The following PSD variants were observed in gnomAD, a reference collection of about 807,000 sequenced individuals.
The protein encoded by PSD is pleckstrin and Sec7 domain containing, also known as PH and SEC7 domain-containing protein 1.
Under a neutral mutation model 91.6 loss-of-function variants are expected in PSD, and 32 were observed. That is an observed-to-expected ratio of 0.35 (90% confidence interval 0.26 to 0.47). PSD has a LOEUF of 0.47. Ranked by LOEUF, PSD falls within the 20% of genes least tolerant of loss-of-function variation. PSD has a pLI of 1.00. For synonymous variants in PSD, 532 were observed against 569.3 expected (o/e 0.93, Z 0.93); for missense variants, 1,099 against 1,373.9 (o/e 0.80, Z 3.16).
Position 102,411,759 on chromosome 10 carries a change from G to A in PSD, c.1890C>T (p.Ala630=). 2.5e-6 allele frequency: 4 copies of A among 1,613,856 alleles called. No individual in the cohort carries two copies. Among genetic ancestry groups the A allele is most frequent in the Non-Finnish European group, 3.4e-6 (4 of 1,179,918 alleles). Residue 630 remains alanine, a synonymous_variant, in exon 8 of 17, where the codon GCC becomes GCT. Coordinates refer to ENST00000020673, the MANE Select transcript of PSD (RefSeq NM_002779.5). ...GETQERERVL[A]HFSQRYFQCN... Reference sequence around the variant, plus strand: ...ACTGGAAGTATCGCTGGGAGAAGTGGGCCAGCACGCGCTCTCGTTCCTGGG... The same window carrying A: ...ACTGGAAGTATCGCTGGGAGAAGTGAGCCAGCACGCGCTCTCGTTCCTGGG...
rs552007666 is a variant in PSD at position 102,402,680 on chromosome 10, G to T, written c.*520C>A. On this transcript the variant is annotated 3_prime_UTR_variant, in exon 17 of 17. Coordinates refer to ENST00000020673, the MANE Select transcript of PSD (RefSeq NM_002779.5). ...TACAAAGGGCAAGGCCCACTGAAGC[G>T]GGGGAAAGCCAGGCCGTGCTGCCCC... 9.1e-6 allele frequency: 3 copies of T among 329,088 alleles called. No homozygotes were observed. In the East Asian group the frequency reaches 1.4e-4, roughly 16 times the overall value. 20.4% of individuals were successfully genotyped at this position (329,088 alleles called of 1,614,324 possible).
At chr10:102,415,700 A>G (rs1197214725) in intron 3 of PSD, among the ~76,000 whole-genome samples, 2 of 152,158 alleles carry the variant, frequency 1.3e-5, no homozygotes, top group Admixed American at 1.3e-4. Flanking sequence ...GGCTTTGAGC[A>G]GTCCTCCTGC....
chr10:102,417,217 A>C, intron 1 of PSD, 96 bp from the exon 2 acceptor site: 1 of 581,904 alleles, frequency 1.7e-6, no homozygotes. Flanking sequence ...AGGGCCTCTG[A>C]GTATCAGGGA....
Position 102,407,272 on chromosome 10 carries a change from G to A in PSD, c.2092-6C>T, listed in dbSNP as rs1258217441. 6.3e-7 allele frequency: 1 copy of A among 1,581,324 alleles called. No homozygotes were observed. The highest frequency in any genetic ancestry group is 8.6e-7 in the Non-Finnish European group (1 of 1,163,264). ...TTGATGGAGCTGTACAAGGCCTGGG[G>A]GGTGGGGGGAACAAATTAGGGGGTT... On this transcript the variant is annotated splice_region_variant and splice_polypyrimidine_tract_variant and intron_variant, in intron 10 of 16. Coordinates refer to ENST00000020673, the MANE Select transcript of PSD (RefSeq NM_002779.5).
rs543135825 is a variant in PSD at position 102,403,988 on chromosome 10, A to G, written c.2701-3T>C. ...TCGTGGGTCCGCACCTGCTCCTCCT[A>G]GCGGCCAGGGGGAGGCATGGTCATG... On this transcript the variant is annotated splice_region_variant and splice_polypyrimidine_tract_variant and intron_variant, in intron 15 of 16. Coordinates refer to ENST00000020673, the MANE Select transcript of PSD (RefSeq NM_002779.5). The surrounding 1 kb of genome is among the most constrained non-coding windows in gnomAD (Gnocchi z 6.7). 41 of 1,549,520 alleles carry G rather than the reference A, an allele frequency of 2.6e-5. No homozygotes were observed. The East Asian group carries it at 9.6e-4, about 36-fold the overall frequency.
chr10:102,408,228 G>A (rs1171583961), intron 10 of PSD, among the ~76,000 whole-genome samples: 1 of 152,204 alleles, frequency 6.6e-6, no homozygotes, highest in Non-Finnish European at 1.5e-5. Flanking sequence ...GCTGGGTGCA[G>A]TGGTGACGTA....
chr10:102,411,073 C>G lies in PSD; in HGVS notation c.1986G>C (p.Thr662=), dbSNP rs977028366. The change falls in exon 9 of 17, where the codon ACG becomes ACC. Residue 662 remains threonine, a synonymous_variant. Coordinates refer to ENST00000020673, the MANE Select transcript of PSD (RefSeq NM_002779.5). ...TLTCALMLLN[T]DLHGHNIGKR... ...CTCCACTCACATGGCCGTGGAGATC[C>G]GTGTTGAGCAGCATGAGCGCACAGG... is the stretch of plus-strand genomic sequence containing the variant. 1.2e-6 allele frequency: 2 copies of G among 1,612,574 alleles called. No homozygotes were observed. Among genetic ancestry groups the G allele is most frequent in the African/African-American group, 1.3e-5 (1 of 74,952 alleles).
rs373853423 is a variant in PSD at position 102,405,106 on chromosome 10, C to T, written c.2398-51G>A. ...GCCCCAAATGCAGCCTGGCCCAGCC[C>T]CTCCTATTCCCACCCATCACCCCAC... On this transcript the variant is annotated intron_variant, in intron 13 of 16. Coordinates refer to ENST00000020673, the MANE Select transcript of PSD (RefSeq NM_002779.5). This position sits in a 1 kb window ranked among gnomAD's most constrained non-coding sequence, Gnocchi z 5.4. 1.2e-6 allele frequency: 2 copies of T among 1,610,650 alleles called. No individual in the cohort carries two copies. The highest frequency in any genetic ancestry group is 1.7e-6 in the Non-Finnish European group (2 of 1,178,456).
In PSD at chr10:102,416,085, G is replaced by A. The variant is rs367567230; in HGVS notation, c.689C>T (p.Ser230Phe). The A allele has an allele frequency of 2.5e-6, 4 of 1,613,898 alleles. No homozygotes were observed. The African/African-American group carries it at 5.3e-5, about 22-fold the overall frequency. Residue 230 changes from serine to phenylalanine, a missense_variant, in exon 3 of 17, where the codon TCT (serine) becomes TTT (phenylalanine). This residue lies in a region of PSD where 631 missense variants were observed against 728.8 expected (regional missense o/e 0.87). Coordinates refer to ENST00000020673, the MANE Select transcript of PSD (RefSeq NM_002779.5). This position sits in a 1 kb window ranked among gnomAD's most constrained non-coding sequence, Gnocchi z 6.0. ...GGCTCTAGCGATTCTCTGGGCATGAGAGGAGACTTCCCGGGGGGAGGACCA... is the reference window on the plus strand; with the variant it reads ...GGCTCTAGCGATTCTCTGGGCATGAAAGGAGACTTCCCGGGGGGAGGACCA... ...DTWSSPREVS[S>F]HAQRIARAKW...
chr10:102,417,150 G>A (rs2061491108), intron 1 of PSD, 29 bp from the exon 2 acceptor site: 12 of 648,176 alleles, frequency 1.9e-5, no homozygotes, highest in Non-Finnish European at 2.9e-5. Flanking sequence ...AGCATGGGGT[G>A]AACTGCCAAG....
At position 102,412,395 on chromosome 10, in the gene PSD, C is replaced by T. The variant is rs756329576; in HGVS notation, c.1734G>A (p.Arg578=). 18 of 1,613,744 alleles carry T rather than the reference C, an allele frequency of 1.1e-5. No homozygotes were observed. In the Middle Eastern group the frequency reaches 8.3e-4, roughly 74 times the overall value. ...LDGFRKADVA[R]HLGKNNDFSK... is the part of the protein sequence containing the mutation. ...AGTGGCTTTACTTCTTGCCCAGGTG[C>T]CGGGCCACATCGGCCTTCCTGAAGC... The change falls in exon 6 of 17, where the codon CGG becomes CGA. Residue 578 remains arginine, a synonymous_variant. Coordinates refer to ENST00000020673, the MANE Select transcript of PSD (RefSeq NM_002779.5).
In PSD at chr10:102,416,703, C is replaced by T. The variant is rs1376307797; in HGVS notation, c.336G>A (p.Arg112=). The T allele has an allele frequency of 1.2e-6, 2 of 1,603,870 alleles. No individual in the cohort carries two copies. Among genetic ancestry groups the T allele is most frequent in the African/African-American group, 1.3e-5 (1 of 74,656 alleles). ...IFRFVEKASV[R]PLNGLPAPGG... ...CTGGAGCAGGTAGCCCATTCAGTGG[C>T]CTCACACTGGCCTTCTCCACAAAGC... Residue 112 remains arginine, a synonymous_variant, in exon 2 of 17, where the codon AGG becomes AGA. Transcript: ENST00000020673. The surrounding 1 kb of genome is among the most constrained non-coding windows in gnomAD (Gnocchi z 6.0).
chr10:102,403,758 G>A lies in PSD; in HGVS notation c.2844+84C>T, dbSNP rs959943415. The A allele has an allele frequency of 2.3e-5, 34 of 1,494,588 alleles. No individual in the cohort carries two copies. The highest frequency in any genetic ancestry group is 4.6e-5 in the East Asian group (2 of 43,144). 92.6% of individuals were successfully genotyped at this position (1,494,588 alleles called of 1,614,324 possible). A position where few individuals can be genotyped will look rare whatever the true frequency, so the allele number is the denominator to read the frequency against. On this transcript the variant is annotated intron_variant, in intron 16 of 16. Coordinates refer to ENST00000020673, the MANE Select transcript of PSD (RefSeq NM_002779.5). This position sits in a 1 kb window ranked among gnomAD's most constrained non-coding sequence, Gnocchi z 6.7. ...TTAAGCAACCTGCCCAAGGACCTCCGGCCGGTTCCACTGTTAGAGTTCATG... is the reference window on the plus strand; with the variant it reads ...TTAAGCAACCTGCCCAAGGACCTCCAGCCGGTTCCACTGTTAGAGTTCATG...
chr10:102,404,603 C>A lies in PSD; in HGVS notation c.2680G>T (p.Ala894Ser), dbSNP rs374100138. 4.8e-5 allele frequency: 77 copies of A among 1,609,944 alleles called. No homozygotes were observed. Among genetic ancestry groups the A allele is most frequent in the Non-Finnish European group, 5.7e-5 (67 of 1,177,976 alleles). ...KKFSRPLLPS[A>S]ATRLSQEEQV... ...GCTACCTGGGAGAGGCGGGTGGCAGCGCTGGGCAGGAGAGGGCGGCTGAAC... is the reference window on the plus strand; with the variant it reads ...GCTACCTGGGAGAGGCGGGTGGCAGAGCTGGGCAGGAGAGGGCGGCTGAAC... The change falls in exon 15 of 17, where the codon GCT becomes TCT. Residue 894 changes from alanine (A) to serine (S), a missense_variant. This residue lies in a region of PSD where 358 missense variants were observed against 426.5 expected (regional missense o/e 0.84). Transcript: ENST00000020673. This position sits in a 1 kb window ranked among gnomAD's most constrained non-coding sequence, Gnocchi z 5.7.
intron 3 of PSD, 103 bp downstream of exon 3, chr10:102,415,914 A>G: frequency 4.9e-6 from 4 of 811,614 alleles, no homozygotes; most frequent in East Asian, 5.4e-5. Flanking sequence ...TCAAGAGCCA[A>G]TTCCAAGGAT....
rs1353653867 is a variant in PSD, at chr10:102,403,823, G to C, written c.2844+19C>G. 1.9e-6 allele frequency: 3 copies of C among 1,606,754 alleles called. No homozygotes were observed. Among genetic ancestry groups the C allele is most frequent in the African/African-American group, 1.3e-5 (1 of 74,860 alleles). On this transcript the variant is annotated intron_variant, in intron 16 of 16. Coordinates refer to ENST00000020673, the MANE Select transcript of PSD (RefSeq NM_002779.5). The surrounding 1 kb of genome is among the most constrained non-coding windows in gnomAD (Gnocchi z 6.7). ...ATGGGCCTGCGTGTGTGGACAGAGGGGCAGACAGGGAGGCTCACCTCAAAC... is the reference window on the plus strand; with the variant it reads ...ATGGGCCTGCGTGTGTGGACAGAGGCGCAGACAGGGAGGCTCACCTCAAAC...
chr10:102,403,089 CG>C lies in PSD; in HGVS notation c.*110del. The C allele has an allele frequency of 1.1e-6, 1 of 885,146 alleles. No homozygotes were observed. Among genetic ancestry groups the C allele is most frequent in the South Asian group, 2.1e-5 (1 of 46,562 alleles). 54.8% of individuals were successfully genotyped at this position (885,146 alleles called of 1,614,324 possible). A position where few individuals can be genotyped will look rare whatever the true frequency, so the allele number is the denominator to read the frequency against. On this transcript the variant is annotated 3_prime_UTR_variant, in exon 17 of 17. Transcript: ENST00000020673. This position sits in a 1 kb window ranked among gnomAD's most constrained non-coding sequence, Gnocchi z 6.7. ...CCCCGGACACCGCGTCCGGCGCGGT[CG>C]GGCCCTAGGCCGGGAGGCCCTCGTG...
rs1315813474 is a variant in PSD, at chr10:102,416,315, C to T, written c.654+70G>A. On this transcript the variant is annotated intron_variant, in intron 2 of 16. Coordinates refer to ENST00000020673, the MANE Select transcript of PSD (RefSeq NM_002779.5). The surrounding 1 kb of genome is among the most constrained non-coding windows in gnomAD (Gnocchi z 6.0). ...GATTCAGAGTGAACAGCAGACAAGC[C>T]CATGTCTGACAGGAGGCTGAGCCTT... The T allele has an allele frequency of 1.3e-6, 2 of 1,499,934 alleles. No individual in the cohort carries two copies. Among genetic ancestry groups the T allele is most frequent in the Admixed American group, 4.0e-5 (2 of 49,580 alleles). 92.9% of individuals were successfully genotyped at this position (1,499,934 alleles called of 1,614,324 possible).
intron 7 of PSD, 31 bp downstream of exon 7, chr10:102,412,116 G>T (rs1177895308): frequency 1.2e-6 from 2 of 1,603,260 alleles, no homozygotes; most frequent in Non-Finnish European, 1.7e-6. Flanking sequence ...CCCGGAGAGT[G>T]GGGGCTGTCC....
Sources: gnomAD v4.1 joint callset for allele counts (sites outside exome capture counted in the v4.1 genomes callset) on GRCh38, gnomAD v4.1.1 for gene constraint, gnomAD v4.1.1 regional missense constraint, Gnocchi (gnomAD v3.1) non-coding constraint, MANE v1.5 for transcripts, NCBI Gene and HGNC (gene_info 2026-07-23, HGNC 2026-07-21) for gene names.